The following SLC2A14 variants were observed in gnomAD, a reference collection of about 807,000 sequenced individuals.
SLC2A14 encodes solute carrier family 2 member 14.
In SLC2A14, 13 loss-of-function variants were observed where a neutral mutation model predicts 43.0. The ratio of observed to expected loss-of-function variants is 0.30; its 90% confidence interval spans 0.20 to 0.48. The LOEUF is 0.48. Ranked by LOEUF, SLC2A14 falls within the 20% of genes least tolerant of loss-of-function variation. The pLI, the probability that SLC2A14 is intolerant of heterozygous loss-of-function variation, is 0.99. For missense variants in SLC2A14, 428 were observed against 620.4 expected, an observed-to-expected ratio of 0.69 and a Z score of 3.29; for synonymous variants, 190 against 233.8, an observed-to-expected ratio of 0.81 and a Z score of 1.71.
chr12:7,824,706 C>T (rs1007852306), intron 7 of SLC2A14, among the ~76,000 whole-genome samples: 5 of 124,688 alleles, frequency 4.0e-5, no homozygotes, highest in Admixed American at 1.0e-4. Flanking sequence ...ACACTCCAGC[C>T]GGGGTGACAG....
In SLC2A14 at chr12:7,827,545, T is replaced by G. The variant is rs1378132787; in HGVS notation, c.814A>C (p.Ile272Leu). 2 of 1,612,880 alleles carry G rather than the reference T, an allele frequency of 1.2e-6. No individual in the cohort carries two copies. Among genetic ancestry groups the G allele is most frequent in the Non-Finnish European group, 1.7e-6 (2 of 1,179,810 alleles). ...GAGAGCTGGAGCACAATGGAAATGA[T>G]GATGGGCTGTCGGTAGCTGGACACT... is the stretch of plus-strand genomic sequence containing the variant. ...FRVSSYRQPI[I>L]ISIVLQLSQQ... Residue 272 changes from isoleucine to leucine, a missense_variant, in exon 7 of 11, where the codon ATC (isoleucine) becomes CTC (leucine). Coordinates refer to ENST00000431042, the MANE Select transcript of SLC2A14 (RefSeq NM_001286234.2).
intron 1 of SLC2A14, among the ~76,000 whole-genome samples, chr12:7,882,035 G>A (rs1028835365): frequency 1.3e-5 from 2 of 152,076 alleles, no homozygotes; most frequent in African/African-American, 4.8e-5. Flanking sequence ...GAGAATAAAA[G>A]CAGGCTGCCC....
chr12:7,891,004 C>G, exon 1 of SLC2A14: 1 of 1,534,566 alleles, frequency 6.5e-7, no homozygotes. Flanking sequence ...ACCTCCTCCC[C>G]GACGCCCCCA....
At chr12:7,849,853 C>T (rs1219883660) in intron 2 of SLC2A14, among the ~76,000 whole-genome samples, 5 of 148,198 alleles carry the variant, frequency 3.4e-5, no homozygotes, top group African/African-American at 1.0e-4. Context: ...TGCAGTGAGC[C>T]GAGATCAGGG....
At chr12:7,884,659 T>C (rs1592335859) in intron 1 of SLC2A14, among the ~76,000 whole-genome samples, 1 of 152,136 alleles carries the variant, frequency 6.6e-6, no homozygotes, top group African/African-American at 2.4e-5. Flanking sequence ...CACTTCACCT[T>C]CCTCAACTCT....
chr12:7,874,458 G>C (rs1945375047), upstream of SLC2A14, among the ~76,000 whole-genome samples: 1 of 151,842 alleles, frequency 6.6e-6, no homozygotes, highest in African/African-American at 2.4e-5. Flanking sequence ...TGGATCATGA[G>C]ATCAAGAGTT....
intron 1 of SLC2A14, among the ~76,000 whole-genome samples, chr12:7,889,696 C>T (rs1337411608): frequency 1.3e-5 from 2 of 151,690 alleles, no homozygotes; most frequent in East Asian, 1.9e-4. Flanking sequence ...CCACCACGCC[C>T]GGCTAATTTT....
At chr12:7,821,898 C>T (rs1487208627) in intron 7 of SLC2A14, among the ~76,000 whole-genome samples, 1 of 149,908 alleles carries the variant, frequency 6.7e-6, no homozygotes, top group African/African-American at 2.5e-5. Context: ...GATCTCGGCT[C>T]ACTGCAACCT....
intron 10 of SLC2A14, 44 bp downstream of exon 10, chr12:7,817,787 C>CAG: frequency 2.4e-6 from 2 of 830,550 alleles, no homozygotes; most frequent in African/African-American, 2.8e-5. Flanking sequence ...TAGACAGATA[C>CAG]ATAGATAGAT....
At chr12:7,873,302 C>T (rs964572945), upstream of SLC2A14, 13 of 985,538 alleles carry the variant, frequency 1.3e-5, no homozygotes, top group Non-Finnish European at 1.6e-5. Flanking sequence ...GCTATCCCCG[C>T]GGGCGGGCCG....
intron 7 of SLC2A14, 60 bp downstream of exon 7, chr12:7,827,435 T>C (rs891731109): frequency 5.6e-5 from 87 of 1,564,120 alleles, no homozygotes; most frequent in Non-Finnish European, 7.0e-5. Flanking sequence ...ACCGCCACCA[T>C]GCCTGGCATT....
At chr12:7,822,975 T>TCCTAGG (rs1864049469) in intron 7 of SLC2A14, among the ~76,000 whole-genome samples, 1 of 152,228 alleles carries the variant, frequency 6.6e-6, no homozygotes, top group Non-Finnish European at 1.5e-5. Context: ...GGGCTGTATT[T>TCCTAGG]CCTAGGCCTA....
At chr12:7,880,663 C>T (rs948930876) in intron 1 of SLC2A14, among the ~76,000 whole-genome samples, 13 of 123,772 alleles carry the variant, frequency 1.1e-4, no homozygotes, top group Admixed American at 3.6e-4. Context: ...CCTGTCTCTA[C>T]TAAAAATACA....
At position 7,814,312 on chromosome 12, in the gene SLC2A14, T is replaced by C. The variant is rs3741856; in HGVS notation, c.*4A>G. On this transcript the variant is annotated 3_prime_UTR_variant, in exon 11 of 11. Coordinates refer to ENST00000431042, the MANE Select transcript of SLC2A14 (RefSeq NM_001286234.2). The stretch of plus-strand genomic sequence containing the variant: ...GCCGGGAGGGAGGTGGAAGGAGGCA[T>C]GACTTAGACATTGGTGGTGGTCTCC... 422,649 of 1,225,142 alleles carry C rather than the reference T, an allele frequency of 0.34. 123,313 individuals carry two copies. Among genetic ancestry groups the C allele is most frequent in the Admixed American group, 0.51 (23,339 of 45,974 alleles). 75.9% of individuals were successfully genotyped at this position (1,225,142 alleles called of 1,614,324 possible). A position where few individuals can be genotyped will look rare whatever the true frequency, so the allele number is the denominator to read the frequency against.
rs144318736 is a variant in SLC2A14, at chr12:7,831,469, T to C, written c.272+135A>G. 1,727 of 1,349,894 alleles carry C rather than the reference T, an allele frequency of 1.3e-3. 11 individuals are homozygous for C. The African/African-American group carries it at 0.019, about 15-fold the overall frequency. The allele number at this position is 1,349,894 out of a possible 1,614,324, so 83.6% of individuals were successfully genotyped here. A position where few individuals can be genotyped will look rare whatever the true frequency, so the allele number is the denominator to read the frequency against. On this transcript the variant is annotated intron_variant, in intron 4 of 10. Transcript: ENST00000431042. ...CAAGGGCAGTCATATTCGGGGCCAG[T>C]TGGGCTAGTTTCCCTTGATTAGAAT... is the stretch of plus-strand genomic sequence containing the variant.
intron 1 of SLC2A14, chr12:7,870,893 A>G: frequency 7.3e-7 from 1 of 1,362,106 alleles, no homozygotes; most frequent in South Asian, 1.2e-5. Flanking sequence ...CCAAGAAGCG[A>G]CCACAGCACA....
upstream of SLC2A14, among the ~76,000 whole-genome samples, chr12:7,873,904 C>T (rs1592322676): frequency 1.3e-5 from 2 of 152,064 alleles, no homozygotes; most frequent in Admixed American, 6.6e-5. Context: ...CTTGGAATTA[C>T]CTGGAGCCTT....
At chr12:7,890,088 T>C (rs1239772389) in intron 1 of SLC2A14, among the ~76,000 whole-genome samples, 2 of 152,084 alleles carry the variant, frequency 1.3e-5, no homozygotes, top group African/African-American at 2.4e-5. Context: ...CTGTATTTTG[T>C]GCTGACCTCC....
intron 1 of SLC2A14, among the ~76,000 whole-genome samples, chr12:7,881,909 G>A (rs1945581755): frequency 6.6e-6 from 1 of 152,104 alleles, no homozygotes; most frequent in African/African-American, 2.4e-5. Flanking sequence ...CTACTGTGAT[G>A]GGGACATGGA....
Sources: allele counts gnomAD v4.1 joint callset (sites outside exome capture counted in the v4.1 genomes callset), GRCh38; gene constraint gnomAD v4.1.1; transcripts MANE v1.5; gene names NCBI Gene and HGNC (gene_info 2026-07-23, HGNC 2026-07-21).